The following OTOG variants were observed in gnomAD, a reference collection of about 807,000 sequenced individuals.
The protein encoded by OTOG is otogelin.
OTOG carries 296 observed loss-of-function variants against 313.8 expected under a neutral mutation model. That is an observed-to-expected ratio of 0.94 (90% CI 0.86 to 1.04). OTOG has a LOEUF of 1.04. OTOG is among the 50% of genes least tolerant of loss of function. OTOG has a pLI of 0.00. For missense variants in OTOG, 3,948 were observed against 3,840.1 expected, an observed-to-expected ratio of 1.03 and a Z score of -0.74; for synonymous variants, 1,533 against 1,554.9, an observed-to-expected ratio of 0.99 and a Z score of 0.33.
rs1853580654 is a variant in OTOG at position 17,612,340 on chromosome 11, G to T, written c.6292+10G>T. 6.6e-7 allele frequency: 1 copy of T among 1,520,442 alleles called. No individual in the cohort carries two copies. The highest frequency in any genetic ancestry group is 8.8e-7 in the Non-Finnish European group (1 of 1,136,564). 94.2% of individuals were successfully genotyped at this position (1,520,442 alleles called of 1,614,324 possible). ...CTCTGGGAGTGTGCCTGTGAGTCAT[G>T]GGATCAGCGGAGCCTCCTGCATCCT... On this transcript the variant is annotated intron_variant, in intron 37 of 55. Transcript: ENST00000399397.
At chr11:17,577,555 C>A (rs1021603019) in intron 22 of OTOG, among the ~76,000 whole-genome samples, 2 of 152,194 alleles carry the variant, frequency 1.3e-5, no homozygotes, top group Non-Finnish European at 2.9e-5. Context: ...CTGGCACTCA[C>A]TAGCTGTGCA....
At position 17,591,550 on chromosome 11, in the gene OTOG, T is replaced by C; in HGVS notation, c.2968T>C (p.Phe990Leu). Residue 990 changes from phenylalanine (F) to leucine (L), a missense_variant, in exon 25 of 56, where the codon TTT becomes CTT. Coordinates refer to ENST00000399397, the MANE Select transcript of OTOG (RefSeq NM_001292063.2). ...RHYRTFDGLP[F>L]DFVGACKVHL... The stretch of plus-strand genomic sequence containing the variant: ...TTACCGCACGTTTGATGGGCTCCCG[T>C]TTGACTTCGTGGGGGCATGCAAAGT... 1 of 1,550,652 alleles carries C rather than the reference T, an allele frequency of 6.4e-7. No individual in the cohort carries two copies. Among genetic ancestry groups the C allele is most frequent in the Non-Finnish European group, 8.7e-7 (1 of 1,147,002 alleles).
Position 17,552,043 on chromosome 11 carries a change from G to T in OTOG, c.260G>T (p.Arg87Met). ...TCCGTGGCCATGTCTTCCTGGGAAA[G>T]GCGGCTCCATCGGGCCAAGTGTGCA... ...PDSVAMSSWE[R>M]RLHRAKCAPS... Residue 87 changes from arginine (R) to methionine (M), a missense_variant, in exon 4 of 56, where the codon AGG (arginine) becomes ATG (methionine). Arg to Met is a moderately conservative substitution (Grantham distance 91). Transcript: ENST00000399397. 1 of 1,550,540 alleles carries T rather than the reference G, an allele frequency of 6.4e-7. No homozygotes were observed. Among genetic ancestry groups the T allele is most frequent in the Non-Finnish European group, 8.7e-7 (1 of 1,146,918 alleles).
At chr11:17,569,527 A>G (rs1852361906) in intron 16 of OTOG, among the ~76,000 whole-genome samples, 1 of 152,234 alleles carries the variant, frequency 6.6e-6, no homozygotes, top group African/African-American at 2.4e-5. Flanking sequence ...ACATGAACAT[A>G]TACATGGGTG....
intron 6 of OTOG, 38 bp from the exon 7 acceptor site, chr11:17,555,741 C>A: frequency 1.3e-6 from 2 of 1,505,304 alleles, no homozygotes; most frequent in South Asian, 1.2e-5. Flanking sequence ...AGGCCTGTGG[C>A]AGGAGCCTGC....
chr11:17,552,964 G>A (rs546825695), intron 4 of OTOG, among the ~76,000 whole-genome samples, 155 bp from the exon 5 acceptor site: 8 of 152,332 alleles, frequency 5.3e-5, no homozygotes, highest in African/African-American at 1.4e-4. Flanking sequence ...GCAGGGCTGT[G>A]GTCTGAGGCA....
rs534836640 is a variant in OTOG, at chr11:17,580,285, G to T, written c.2759+1759G>T. On this transcript the variant is annotated intron_variant, in intron 23 of 55. Transcript: ENST00000399397. ...ACTCAGGAGTCAAGCTTGAACCCTG[G>T]TTCTTCCACTTCCTAACTGAGTTAA... 1.7e-3 allele frequency among the ~76,000 whole-genome samples: 261 copies of T among 152,340 alleles called. 2 individuals carry two copies. Among genetic ancestry groups the T allele is most frequent in the African/African-American group, 5.8e-3 (241 of 41,576 alleles).
chr11:17,572,504 C>A (rs1008506656), intron 18 of OTOG, among the ~76,000 whole-genome samples: 5 of 152,204 alleles, frequency 3.3e-5, no homozygotes, highest in African/African-American at 9.7e-5. Context: ...CCCATGCCCC[C>A]CTTCTCACCT....
At chr11:17,598,177 G>T (rs1037754982) in intron 30 of OTOG, among the ~76,000 whole-genome samples, 8 of 152,186 alleles carry the variant, frequency 5.3e-5, no homozygotes, top group African/African-American at 1.9e-4. Context: ...AGACTAGGGG[G>T]AGGTGATTGA....
intron 3 of OTOG, among the ~76,000 whole-genome samples, chr11:17,549,756 A>G (rs1368904431): frequency 6.6e-6 from 1 of 152,170 alleles, no homozygotes; most frequent in Non-Finnish European, 1.5e-5. Context: ...GGGAAGGGTC[A>G]TAAGTGAGTG....
Position 17,609,675 on chromosome 11 carries a change from G to T in OTOG, c.4375G>T (p.Val1459Phe). 1 of 1,498,286 alleles carries T rather than the reference G, an allele frequency of 6.7e-7. No individual in the cohort carries two copies. Among genetic ancestry groups the T allele is most frequent in the Non-Finnish European group, 8.9e-7 (1 of 1,120,710 alleles). 92.8% of individuals were successfully genotyped at this position (1,498,286 alleles called of 1,614,324 possible). A position where few individuals can be genotyped will look rare whatever the true frequency, so the allele number is the denominator to read the frequency against. Residue 1459 changes from valine to phenylalanine, a missense_variant, in exon 36 of 56, where the codon GTT (valine) becomes TTT (phenylalanine). Val to Phe is a conservative substitution (Grantham distance 50). Transcript: ENST00000399397. ...LEDCVEPAVWVPTEALGNETL... is the reference protein window; with the variant it reads ...LEDCVEPAVWFPTEALGNETL... ...CGCAGGTGTGGAGCCAGCAGTTTGGGTTCCCACAGAGGCCCTTGGCAATGA... is the reference window on the plus strand; with the variant it reads ...CGCAGGTGTGGAGCCAGCAGTTTGGTTTCCCACAGAGGCCCTTGGCAATGA...
intron 51 of OTOG, among the ~76,000 whole-genome samples, chr11:17,641,380 G>T (rs926465726): frequency 2.2e-4 from 34 of 152,180 alleles, no homozygotes; most frequent in African/African-American, 6.5e-4. Flanking sequence ...TGTCCCTTTG[G>T]TTTGCGTGCT....
At position 17,578,427 on chromosome 11, in the gene OTOG, A is replaced by T. The variant is rs994784192; in HGVS notation, c.2660A>T (p.Asp887Val). The T allele has an allele frequency of 8.4e-6, 13 of 1,541,398 alleles. No homozygotes were observed. Among genetic ancestry groups the T allele is most frequent in the Non-Finnish European group, 1.1e-5 (13 of 1,146,788 alleles). ...GTGAACTGCAGCGACCTGCACACGGACCTGGAGCTGAGCAGGGAGAGGACG... is the reference window on the plus strand; with the variant it reads ...GTGAACTGCAGCGACCTGCACACGGTCCTGGAGCTGAGCAGGGAGAGGACG... ...VFVNCSDLHT[D>V]LELSRERTCE... is the part of the protein sequence containing the mutation. Residue 887 changes from aspartate (D) to valine (V), a missense_variant, in exon 23 of 56, where the codon GAC becomes GTC. Transcript: ENST00000399397.
chr11:17,562,657 T>A (rs1198872630), intron 15 of OTOG, among the ~76,000 whole-genome samples: 1 of 152,230 alleles, frequency 6.6e-6, no homozygotes, highest in African/African-American at 2.4e-5. Context: ...AATCTCTTCC[T>A]TATAAATTAT....
Position 17,569,282 on chromosome 11 carries a change from A to C in OTOG, c.1771A>C (p.Thr591Pro), listed in dbSNP as rs1303588276. 6.4e-7 allele frequency: 1 copy of C among 1,550,588 alleles called. No homozygotes were observed. Among genetic ancestry groups the C allele is most frequent in the Admixed American group, 2.0e-5 (1 of 50,998 alleles). The change falls in exon 16 of 56, where the codon ACA becomes CCA. Residue 591 changes from threonine (T) to proline (P), a missense_variant. Thr to Pro is a conservative substitution (Grantham distance 38, BLOSUM62 -1). Coordinates refer to ENST00000399397, the MANE Select transcript of OTOG (RefSeq NM_001292063.2). Reference protein sequence around the residue: ...FDQYKIIPPYTDDAFEIRRLS... With the variant: ...FDQYKIIPPYPDDAFEIRRLS... ...CCAGTACAAGATCATCCCGCCATAC[A>C]CAGATGGTACGGTTTGGGGTGGACA...
chr11:17,637,663 G>A (rs564560558), intron 47 of OTOG, among the ~76,000 whole-genome samples: 5 of 152,232 alleles, frequency 3.3e-5, no homozygotes, highest in African/African-American at 7.2e-5. Context: ...TGATGTTAAC[G>A]TTGGCCCAGA....
At chr11:17,551,634 G>A (rs1851934401) in intron 3 of OTOG, among the ~76,000 whole-genome samples, 1 of 152,126 alleles carries the variant, frequency 6.6e-6, no homozygotes, top group South Asian at 2.1e-4. Context: ...TCCAGACAAG[G>A]GATTGTGTGT....
At chr11:17,597,741 C>T (rs951253645) in intron 30 of OTOG, among the ~76,000 whole-genome samples, 2 of 152,058 alleles carry the variant, frequency 1.3e-5, no homozygotes, top group Admixed American at 1.3e-4. Context: ...TTTATTTATT[C>T]CCACGCACCA....
intron 23 of OTOG, among the ~76,000 whole-genome samples, chr11:17,580,599 G>C (rs547759558): frequency 2.0e-5 from 3 of 152,246 alleles, no homozygotes; most frequent in African/African-American, 7.2e-5. Context: ...AGAGCAAGGA[G>C]GGAGTAATGG....
Sources: allele counts gnomAD v4.1 joint callset (sites outside exome capture counted in the v4.1 genomes callset), GRCh38; gene constraint gnomAD v4.1.1; transcripts MANE v1.5; gene names NCBI Gene and HGNC (gene_info 2026-07-23, HGNC 2026-07-21).